Variants in TRPM8 observed in about 807,000 individuals in gnomAD.
TRPM8 encodes TRPM8 cationic channel.
In TRPM8, 110 loss-of-function variants were observed where a neutral mutation model predicts 133.7. The ratio of observed to expected loss-of-function variants is 0.82; its 90% CI spans 0.70 to 0.96. TRPM8 has a LOEUF of 0.96. Ranked by LOEUF, TRPM8 falls within the 40% of genes least tolerant of loss-of-function variation. The pLI is 0.00. For synonymous variants in TRPM8, 535 were observed against 532.3 expected (o/e 1.01, Z -0.07); for missense variants, 1,291 against 1,379.5 (o/e 0.94, Z 1.02).
intron 3 of TRPM8, among the ~76,000 whole-genome samples, chr2:233,936,657 G>T (rs1036271968): frequency 1.3e-5 from 2 of 152,192 alleles, no homozygotes; most frequent in African/African-American, 4.8e-5. Context: ...AACTGGCAGG[G>T]TTGGTGCTGA....
At chr2:233,980,497 C>T (rs1379732388) in intron 18 of TRPM8, among the ~76,000 whole-genome samples, 1 of 152,126 alleles carries the variant, frequency 6.6e-6, no homozygotes, top group African/African-American at 2.4e-5. Context: ...AGGGGTCCTG[C>T]ATGATTTTTC....
Position 234,014,559 on chromosome 2 carries a change from A to G in TRPM8, c.3265-3A>G. ...ATGAGTTCTATTTTTTTCTCTTTCCAAGCTTAATGATCTCAAGGGTCTTCT... is the reference window on the plus strand; with the variant it reads ...ATGAGTTCTATTTTTTTCTCTTTCCGAGCTTAATGATCTCAAGGGTCTTCT... On this transcript the variant is annotated splice_region_variant and splice_polypyrimidine_tract_variant and intron_variant, in intron 24 of 25. Coordinates refer to ENST00000324695, the MANE Select transcript of TRPM8 (RefSeq NM_024080.5). 1.3e-6 allele frequency: 2 copies of G among 1,538,336 alleles called. No homozygotes were observed. The highest frequency in any genetic ancestry group is 1.7e-6 in the Non-Finnish European group (2 of 1,146,370).
At chr2:233,976,679 A>G (rs1473936640) in intron 17 of TRPM8, among the ~76,000 whole-genome samples, 1 of 151,998 alleles carries the variant, frequency 6.6e-6, no homozygotes, top group Admixed American at 6.5e-5. Flanking sequence ...GCCACTTTTA[A>G]CTCAGCAATC....
At chr2:234,015,727 T>G in intron 25 of TRPM8, among the ~76,000 whole-genome samples, 1 of 152,228 alleles carries the variant, frequency 6.6e-6, no homozygotes, top group East Asian at 1.9e-4. Context: ...TGATGTAATC[T>G]GAAAGGGAGG....
In TRPM8 at chr2:233,939,161, T is replaced by C; in HGVS notation, c.512T>C (p.Ile171Thr). ...MRKIFSRLIY[I>T]AQSKGAWILT... ...AAGATCTTCAGCCGGCTCATCTACATCGCGCAGTCCAAAGGTGAGGGTGGG... is the reference window on the plus strand; with the variant it reads ...AAGATCTTCAGCCGGCTCATCTACACCGCGCAGTCCAAAGGTGAGGGTGGG... Residue 171 changes from isoleucine to threonine, a missense_variant, in exon 5 of 26, where the codon ATC becomes ACC. This residue lies in a region of TRPM8 where 963 missense variants were observed against 968.9 expected (regional missense o/e 0.99). Transcript: ENST00000324695. 3 of 1,614,054 alleles carry C rather than the reference T, an allele frequency of 1.9e-6. No individual in the cohort carries two copies. The highest frequency in any genetic ancestry group is 1.7e-4 in the Middle Eastern group (1 of 6,058).
chr2:233,949,912 G>C (rs1411150926), intron 8 of TRPM8, 37 bp from the exon 9 acceptor site: 6 of 1,603,042 alleles, frequency 3.7e-6, no homozygotes, highest in Non-Finnish European at 5.1e-6. Flanking sequence ...TGTGGACCAA[G>C]GTCTCTGATC....
intron 9 of TRPM8, among the ~76,000 whole-genome samples, chr2:233,951,634 T>A (rs28901653): frequency 3.9e-5 from 6 of 152,208 alleles, no homozygotes; most frequent in Non-Finnish European, 8.8e-5. Flanking sequence ...CATTCTACCT[T>A]CTTTGATTAT....
chr2:233,927,701 AGTCT>A (rs1402856549), intron 2 of TRPM8, among the ~76,000 whole-genome samples: 3 of 150,182 alleles, frequency 2.0e-5, no homozygotes, highest in Non-Finnish European at 3.0e-5. Flanking sequence ...TGGAAGACAG[AGTCT>A]GTCTCTTTCT....
In TRPM8 at chr2:233,961,620, CTTTTCTTTTCT is replaced by C. The variant is rs1345701102; in HGVS notation, c.1653+559_1653+569del. Among the ~76,000 whole-genome samples, 1,056 of 121,692 alleles carry C rather than the reference CTTTTCTTTTCT, an allele frequency of 8.7e-3. 14 individuals are homozygous for C. The highest frequency in any genetic ancestry group is 0.034 in the African/African-American group (983 of 28,856). 79.8% of individuals were successfully genotyped at this position (121,692 alleles called of 152,430 possible). Reference sequence around the variant, plus strand: ...TGCCCGGCCTCTTTTTTCTTCTTTTCTTTTCTTTTCTTTTTTTTTTTTTTTTTGAGACAGAG... The same window carrying C: ...TGCCCGGCCTCTTTTTTCTTCTTTTCTTTTTTTTTTTTTTTTGAGACAGAG... On this transcript the variant is annotated intron_variant, in intron 12 of 25. Coordinates refer to ENST00000324695, the MANE Select transcript of TRPM8 (RefSeq NM_024080.5).
At chr2:233,937,251 T>G (rs1279509949) in intron 3 of TRPM8, 102 bp from the exon 4 acceptor site, 1 of 1,405,948 alleles carries the variant, frequency 7.1e-7, no homozygotes, top group African/African-American at 1.4e-5. Flanking sequence ...AAAATAAGAC[T>G]TGAAGGTATC....
intron 21 of TRPM8, among the ~76,000 whole-genome samples, chr2:233,986,813 A>G (rs1692158006): frequency 6.6e-6 from 1 of 152,258 alleles, no homozygotes; most frequent in Non-Finnish European, 1.5e-5. Context: ...AAAACTTGTC[A>G]GAGAAAATAA....
chr2:234,005,728 T>C (rs1692676131), intron 22 of TRPM8, among the ~76,000 whole-genome samples: 2 of 152,004 alleles, frequency 1.3e-5, no homozygotes. Flanking sequence ...CTGGCCAACG[T>C]GATGAAACCC....
chr2:233,974,380 C>T (rs1033621216), intron 17 of TRPM8, among the ~76,000 whole-genome samples: 4 of 152,066 alleles, frequency 2.6e-5, no homozygotes, highest in South Asian at 2.1e-4. Context: ...ACTACAGGCA[C>T]GCACCACCAT....
chr2:233,946,238 T>A, intron 7 of TRPM8: 1 of 474,184 alleles, frequency 2.1e-6, no homozygotes. Flanking sequence ...CCCTTTAACA[T>A]GCTAAAGGCA....
intron 15 of TRPM8, among the ~76,000 whole-genome samples, chr2:233,968,818 C>A (rs1691637985): frequency 6.6e-6 from 1 of 152,072 alleles, no homozygotes; most frequent in African/African-American, 2.4e-5. Context: ...CTAATTTCCA[C>A]CTTTGTGAAA....
chr2:234,000,368 C>T (rs1008329995), intron 22 of TRPM8, among the ~76,000 whole-genome samples: 2 of 152,166 alleles, frequency 1.3e-5, no homozygotes, highest in African/African-American at 4.8e-5. Context: ...CTTGGCCTCC[C>T]AAAGTGCTGG....
intron 21 of TRPM8, among the ~76,000 whole-genome samples, chr2:233,991,623 A>G (rs1692280538): frequency 6.6e-6 from 1 of 152,176 alleles, no homozygotes; most frequent in African/African-American, 2.4e-5. Flanking sequence ...GTGTATTTGA[A>G]AATTCTGCCA....
At chr2:234,003,037 AAT>A in intron 22 of TRPM8, among the ~76,000 whole-genome samples, 1 of 152,226 alleles carries the variant, frequency 6.6e-6, no homozygotes, top group African/African-American at 2.4e-5. Flanking sequence ...AATTGGTGGC[AAT>A]TAAGAAAAAT....
At chr2:233,990,197 C>T (rs1207804696) in intron 21 of TRPM8, among the ~76,000 whole-genome samples, 3 of 152,242 alleles carry the variant, frequency 2.0e-5, no homozygotes, top group African/African-American at 7.2e-5. Context: ...GGTTCAAGTG[C>T]TTTACAGGGG....
Sources: gnomAD v4.1 joint callset for allele counts (sites outside exome capture counted in the v4.1 genomes callset) on GRCh38, gnomAD v4.1.1 for gene constraint, gnomAD v4.1.1 regional missense constraint, MANE v1.5 for transcripts, NCBI Gene and HGNC (gene_info 2026-07-23, HGNC 2026-07-21) for gene names.